Variants in LRRC7 observed in about 807,000 individuals in gnomAD.
LRRC7 encodes leucine rich repeat containing 7.
Under a neutral mutation model 175.7 loss-of-function variants are expected in LRRC7, and 23 were observed. The ratio of observed to expected loss-of-function variants is 0.13; its 90% CI spans 0.09 to 0.19. LRRC7 has a LOEUF of 0.19. LRRC7 is among the 10% of genes least tolerant of loss of function. The pLI is 1.00. For synonymous variants in LRRC7, 685 were observed against 680.9 expected (o/e 1.01, Z -0.09); for missense variants, 1,354 against 1,904.7 (o/e 0.71, Z 5.38).
chr1:69,760,616 A>G (rs1262301898), intron 3 of LRRC7, among the ~76,000 whole-genome samples: 1 of 151,934 alleles, frequency 6.6e-6, no homozygotes, highest in Non-Finnish European at 1.5e-5. Flanking sequence ...GGAAACCACC[A>G]TTTGATGGAT....
At chr1:69,869,658 G>A (rs560655019) in intron 7 of LRRC7, among the ~76,000 whole-genome samples, 2 of 152,178 alleles carry the variant, frequency 1.3e-5, no homozygotes, top group East Asian at 1.9e-4. Context: ...ACATTTATGG[G>A]ACAGGCAGAG....
chr1:69,663,489 G>A (rs1035785654), intron 1 of LRRC7, among the ~76,000 whole-genome samples: 27 of 151,974 alleles, frequency 1.8e-4, no homozygotes, highest in African/African-American at 6.5e-4. Context: ...ATCCAATTAT[G>A]CTTTTAGTTA....
At chr1:69,842,035 T>G (rs1681788395) in intron 7 of LRRC7, among the ~76,000 whole-genome samples, 1 of 152,088 alleles carries the variant, frequency 6.6e-6, no homozygotes, top group Non-Finnish European at 1.5e-5. Context: ...GCATAATAGT[T>G]AAGACATGAC....
chr1:69,854,164 C>T (rs1683317836), intron 7 of LRRC7, among the ~76,000 whole-genome samples: 1 of 152,062 alleles, frequency 6.6e-6, no homozygotes, highest in South Asian at 2.1e-4. Context: ...TAGAAATGCA[C>T]ACTGATTCTT....
chr1:69,908,622 G>A (rs1452020280), intron 7 of LRRC7, among the ~76,000 whole-genome samples: 1 of 150,540 alleles, frequency 6.6e-6, no homozygotes, highest in Non-Finnish European at 1.5e-5. Context: ...ACTGTGGTCT[G>A]AGAGACAGTT....
rs187215819 is a variant in LRRC7 at position 69,756,309 on chromosome 1, T to C, written c.101-3882T>C. Among the ~76,000 whole-genome samples the C allele has an allele frequency of 4.0e-4, 61 of 151,980 alleles. 1 individual carries two copies. The East Asian group carries it at 0.011, about 28-fold the overall frequency. On this transcript the variant is annotated intron_variant, in intron 2 of 26. Transcript: ENST00000651989. ...CCAAGAGACAGGTCCTTCATCCAGTTAATGGAAATCACAGAAAAATGATTT... is the reference window on the plus strand; with the variant it reads ...CCAAGAGACAGGTCCTTCATCCAGTCAATGGAAATCACAGAAAAATGATTT...
At chr1:69,760,469 TG>T in intron 3 of LRRC7, 76 bp downstream of exon 3, 1 of 1,241,520 alleles carries the variant, frequency 8.1e-7, no homozygotes, top group Non-Finnish European at 1.2e-6. Flanking sequence ...ATAATGGTAA[TG>T]TGAACTATGG....
intron 7 of LRRC7, among the ~76,000 whole-genome samples, chr1:69,842,389 G>A (rs568091360): frequency 2.0e-5 from 3 of 152,140 alleles, no homozygotes; most frequent in African/African-American, 7.2e-5. Flanking sequence ...TTCAACTAGA[G>A]TTAAAATATA....
Position 70,039,331 on chromosome 1 carries a change from C to G in LRRC7, c.3507C>G (p.Val1169=). The G allele has an allele frequency of 6.2e-7, 1 of 1,614,008 alleles. No individual in the cohort carries two copies. Among genetic ancestry groups the G allele is most frequent in the Non-Finnish European group, 8.5e-7 (1 of 1,180,014 alleles). ...SATEMAMFRR[V]NEPHELPPTD... ...CAGAAATGGCCATGTTTAGAAGGGT[C>G]AATGAGCCTCATGAGCTGCCCCCAA... The change falls in exon 21 of 27, where the codon GTC becomes GTG. Residue 1169 remains valine (V), a synonymous_variant. Transcript: ENST00000651989.
intron 3 of LRRC7, among the ~76,000 whole-genome samples, chr1:69,774,746 C>G (rs147977711): frequency 4.1e-4 from 63 of 152,006 alleles, no homozygotes; most frequent in African/African-American, 1.4e-3. Flanking sequence ...CTGATTTAAC[C>G]GAAGATTTGG....
intron 7 of LRRC7, among the ~76,000 whole-genome samples, chr1:69,921,515 C>G (rs538674908): frequency 2.9e-4 from 44 of 152,156 alleles, no homozygotes; most frequent in Non-Finnish European, 5.6e-4. Context: ...ATTTTTTCCT[C>G]TCCTTTACAT....
At chr1:70,086,285 A>T (rs1348039173) in intron 24 of LRRC7, among the ~76,000 whole-genome samples, 1 of 152,060 alleles carries the variant, frequency 6.6e-6, no homozygotes, top group African/African-American at 2.4e-5. Context: ...TACCATGCCA[A>T]GCTAATTTTT....
chr1:69,568,604 T>C lies in LRRC7; in HGVS notation c.-36T>C, dbSNP rs1029763622. On this transcript the variant is annotated 5_prime_UTR_variant, in exon 1 of 27. Coordinates refer to ENST00000651989, the MANE Select transcript of LRRC7 (RefSeq NM_001370785.2). Reference sequence around the variant, plus strand: ...ACCCTTGGCAGCTGCACGACTACGCTCTCCGAAACCTCATGGGCAGTTTCT... The same window carrying C: ...ACCCTTGGCAGCTGCACGACTACGCCCTCCGAAACCTCATGGGCAGTTTCT... 2.2e-6 allele frequency: 3 copies of C among 1,350,296 alleles called. No individual in the cohort carries two copies. The highest frequency in any genetic ancestry group is 3.0e-6 in the Non-Finnish European group (3 of 1,015,296). The allele number at this position is 1,350,296 out of a possible 1,614,324, so 83.6% of individuals were successfully genotyped here.
At chr1:69,781,857 AAG>A (rs1182700775) in intron 3 of LRRC7, among the ~76,000 whole-genome samples, 1 of 97,340 alleles carries the variant, frequency 1.0e-5, no homozygotes, top group Non-Finnish European at 2.0e-5. Flanking sequence ...GAGAGAAAGA[AAG>A]AGAAGGAAGG....
chr1:70,037,853 C>T lies in LRRC7; in HGVS notation c.2289-260C>T, dbSNP rs577501460. Among the ~76,000 whole-genome samples, 6 of 151,946 alleles carry T rather than the reference C, an allele frequency of 3.9e-5. No homozygotes were observed. The South Asian group carries it at 1.0e-3, about 26-fold the overall frequency. ...GTTTATATTCTAGCAGAGGACACAA[C>T]ACAAGATACAATACACGTAATAGAT... On this transcript the variant is annotated intron_variant, in intron 20 of 26. Coordinates refer to ENST00000651989, the MANE Select transcript of LRRC7 (RefSeq NM_001370785.2).
intron 7 of LRRC7, among the ~76,000 whole-genome samples, chr1:69,870,708 A>G (rs1397516608): frequency 6.6e-6 from 1 of 152,132 alleles, no homozygotes; most frequent in African/African-American, 2.4e-5. Context: ...ATTATAAGTT[A>G]GCTCTTAAAA....
At chr1:69,841,549 T>C (rs765777805) in intron 7 of LRRC7, among the ~76,000 whole-genome samples, 1 of 152,108 alleles carries the variant, frequency 6.6e-6, no homozygotes, top group South Asian at 2.1e-4. Flanking sequence ...ATGCATCAGA[T>C]GCAGAAGGCC....
At chr1:70,086,591 A>G (rs1224204322) in intron 24 of LRRC7, among the ~76,000 whole-genome samples, 1 of 152,020 alleles carries the variant, frequency 6.6e-6, no homozygotes. Flanking sequence ...CCTCATCTCT[A>G]CAAAGAAAAT....
intron 2 of LRRC7, among the ~76,000 whole-genome samples, chr1:69,684,646 T>C (rs1446888976): frequency 6.6e-6 from 1 of 152,150 alleles, no homozygotes; most frequent in African/African-American, 2.4e-5. Context: ...AAAGACATCA[T>C]GGTATGCTTC....
Sources: allele counts gnomAD v4.1 joint callset (sites outside exome capture counted in the v4.1 genomes callset), GRCh38; gene constraint gnomAD v4.1.1; transcripts MANE v1.5; gene names NCBI Gene and HGNC (gene_info 2026-07-23, HGNC 2026-07-21).